The following UGT1A9 variants were observed in gnomAD, a reference collection of about 807,000 sequenced individuals.
UGT1A9 encodes the protein UDP-glucuronosyltransferase 1A9.
A neutral mutation model predicts 45.0 loss-of-function variants in UGT1A9; 35 were observed. That is an observed-to-expected ratio of 0.78 (90% confidence interval 0.59 to 1.03). UGT1A9 has a LOEUF of 1.03. Ranked by LOEUF, UGT1A9 falls within the 50% of genes least tolerant of loss-of-function variation. The pLI, the probability that UGT1A9 is intolerant of heterozygous loss-of-function variation, is 0.00. For synonymous variants in UGT1A9, 278 were observed against 250.6 expected (o/e 1.11, Z -1.03); for missense variants, 687 against 666.6 (o/e 1.03, Z -0.34).
rs552821881 is a variant in UGT1A9, at chr2:233,706,635, T to C, written c.855+33846T>C. ...AGACTAGAGAAATGAGTGTTTCTAC[T>C]GTGTCTGTGCCCCATCACTGTAGGT... On this transcript the variant is annotated intron_variant, in intron 1 of 4. Transcript: ENST00000354728. Among the ~76,000 whole-genome samples, 3 of 152,330 alleles carry C rather than the reference T, an allele frequency of 2.0e-5. No homozygotes were observed. The South Asian group carries it at 6.2e-4, about 32-fold the overall frequency.
intron 1 of UGT1A9, among the ~76,000 whole-genome samples, chr2:233,676,719 G>A (rs1484423630): frequency 2.0e-5 from 3 of 152,136 alleles, no homozygotes; most frequent in African/African-American, 7.2e-5. Context: ...GTCAGTGTGT[G>A]TTTTGCCTGA....
intron 1 of UGT1A9, chr2:233,690,422 G>C (rs1387802113): frequency 7.3e-6 from 9 of 1,238,038 alleles, no homozygotes; most frequent in Non-Finnish European, 2.1e-6. Flanking sequence ...TTACCTTCAT[G>C]CACATCTTTG....
intron 1 of UGT1A9, among the ~76,000 whole-genome samples, chr2:233,732,777 G>A: frequency 7.1e-6 from 1 of 141,314 alleles, no homozygotes; most frequent in Non-Finnish European, 1.5e-5. Flanking sequence ...TTTTTGCTTA[G>A]GATTGTCTTG....
intron 1 of UGT1A9, chr2:233,754,267 A>C (rs1695437171): frequency 5.7e-6 from 1 of 176,798 alleles, no homozygotes; most frequent in African/African-American, 2.4e-5. Flanking sequence ...GTAAGGCTCA[A>C]AGTGCTGAGA....
intron 1 of UGT1A9, among the ~76,000 whole-genome samples, chr2:233,724,753 G>A (rs1402032405): frequency 3.5e-5 from 5 of 143,708 alleles, no homozygotes; most frequent in African/African-American, 1.1e-4. Context: ...CATCCCAGAC[G>A]ATGGGCGGCC....
At chr2:233,744,288 T>C (rs1457237548) in intron 1 of UGT1A9, among the ~76,000 whole-genome samples, 5 of 151,784 alleles carry the variant, frequency 3.3e-5, no homozygotes, top group Non-Finnish European at 7.4e-5. Context: ...TATCAGTCTT[T>C]TTCCTCGGCC....
At chr2:233,731,751 G>A (rs1484667687) in intron 1 of UGT1A9, among the ~76,000 whole-genome samples, 2 of 152,152 alleles carry the variant, frequency 1.3e-5, no homozygotes, top group Non-Finnish European at 2.9e-5. Context: ...ACATACGTGT[G>A]CATGTGTCCT....
At chr2:233,679,202 G>A (rs75444879) in intron 1 of UGT1A9, among the ~76,000 whole-genome samples, 53,571 of 151,738 alleles carry the variant, frequency 0.35, 9,582 homozygotes, top group South Asian at 0.44. Context: ...TGTTGAACTT[G>A]TGGGTTCTGG....
intron 1 of UGT1A9, chr2:233,693,687 A>C: frequency 6.2e-7 from 1 of 1,614,230 alleles, no homozygotes; most frequent in South Asian, 1.1e-5. Flanking sequence ...CTGTTTTCAA[A>C]GTATGAAGAA....
intron 1 of UGT1A9, among the ~76,000 whole-genome samples, chr2:233,724,181 C>G (rs2077184625): frequency 7.7e-6 from 1 of 129,200 alleles, no homozygotes; most frequent in Non-Finnish European, 1.6e-5. Context: ...CATCTCCCTC[C>G]CGGACGGGGT....
intron 1 of UGT1A9, among the ~76,000 whole-genome samples, chr2:233,764,040 T>A (rs1199805174): frequency 6.6e-6 from 1 of 152,160 alleles, no homozygotes; most frequent in East Asian, 1.9e-4. Flanking sequence ...AAAGAAGAAT[T>A]CTGGGAAAAT....
intron 1 of UGT1A9, among the ~76,000 whole-genome samples, chr2:233,762,298 G>A (rs1261319801): frequency 6.6e-6 from 1 of 152,140 alleles, no homozygotes; most frequent in Non-Finnish European, 1.5e-5. Flanking sequence ...TGCCAACCGA[G>A]GTCTAGTTAA....
At chr2:233,691,049 G>A (rs751758804) in intron 1 of UGT1A9, 13 of 988,248 alleles carry the variant, frequency 1.3e-5, no homozygotes, top group Non-Finnish European at 1.6e-5. Flanking sequence ...CCACAGCAGA[G>A]TGGAGGTCTA....
chr2:233,744,436 C>T (rs183534266), intron 1 of UGT1A9, among the ~76,000 whole-genome samples: 4 of 151,808 alleles, frequency 2.6e-5, no homozygotes, highest in African/African-American at 2.4e-5. Flanking sequence ...ATCTATCATA[C>T]GTACTGCATT....
chr2:233,689,977 C>T (rs1005809472), intron 1 of UGT1A9: 1 of 454,014 alleles, frequency 2.2e-6, no homozygotes, highest in African/African-American at 2.0e-5. Flanking sequence ...AACCCACAGG[C>T]CCCTAAAAGG....
At chr2:233,715,333 G>A (rs2076445731) in intron 1 of UGT1A9, among the ~76,000 whole-genome samples, 1 of 152,000 alleles carries the variant, frequency 6.6e-6, no homozygotes, top group South Asian at 2.1e-4. Flanking sequence ...TGATTAGATT[G>A]GTGCATGTAG....
At chr2:233,709,728 A>G (rs1036199930) in intron 1 of UGT1A9, among the ~76,000 whole-genome samples, 11 of 152,204 alleles carry the variant, frequency 7.2e-5, no homozygotes, top group African/African-American at 2.4e-4. Flanking sequence ...TATGTTTTCA[A>G]TTGATACTAC....
chr2:233,706,273 C>T (rs549440001), intron 1 of UGT1A9, among the ~76,000 whole-genome samples: 5 of 152,218 alleles, frequency 3.3e-5, no homozygotes, highest in African/African-American at 7.2e-5. Flanking sequence ...TGCCCAACCT[C>T]AGGGGTGGGG....
intron 1 of UGT1A9, among the ~76,000 whole-genome samples, chr2:233,710,341 A>G (rs553386954): frequency 8.9e-4 from 135 of 152,236 alleles, no homozygotes; most frequent in Non-Finnish European, 1.7e-3. Flanking sequence ...AAACAGTCGA[A>G]CTGTTTCCAA....
Sources: allele counts gnomAD v4.1 joint callset (sites outside exome capture counted in the v4.1 genomes callset), GRCh38; gene constraint gnomAD v4.1.1; transcripts MANE v1.5; gene names NCBI Gene and HGNC (gene_info 2026-07-23, HGNC 2026-07-21).